Variants in DNAJC3 observed in about 807,000 individuals in gnomAD.
DNAJC3 encodes DnaJ heat shock protein family (Hsp40) member C3, also known as dnaJ homolog subfamily C member 3.
A neutral mutation model predicts 68.6 loss-of-function variants in DNAJC3; 38 were observed. That is an observed-to-expected ratio of 0.55 (90% CI 0.43 to 0.73). The LOEUF is 0.73. Among genes scored for constraint, DNAJC3 ranks in the 30% least tolerant of loss-of-function variants. The probability of loss-of-function intolerance (pLI) is 0.00; values close to 1 mark genes in which losing one functional copy is unlikely to be tolerated. For synonymous variants in DNAJC3, 203 were observed against 204.0 expected (o/e 1.00, Z 0.04); for missense variants, 526 against 591.9 (o/e 0.89, Z 1.16).
In DNAJC3 at chr13:95,790,958, C is replaced by A; in HGVS notation, c.1443C>A (p.Ser481Arg). ...QGGGGNPFHR[S>R]WNSWQGFNPF... ...GCGGCGGCAACCCTTTCCACAGAAG[C>A]TGGAACTCATGGCAAGGGTTCAATC... The change falls in exon 12 of 12, where the codon AGC (serine) becomes AGA (arginine). Residue 481 changes from serine to arginine, a missense_variant. By Grantham distance (110) the Ser-to-Arg change is moderately radical (BLOSUM62 -1). Transcript: ENST00000602402. 1 of 1,612,512 alleles carries A rather than the reference C, an allele frequency of 6.2e-7. No homozygotes were observed. The highest frequency in any genetic ancestry group is 8.5e-7 in the Non-Finnish European group (1 of 1,179,658).
chr13:95,698,943 T>C (rs1012449606), intron 1 of DNAJC3, among the ~76,000 whole-genome samples: 5 of 152,206 alleles, frequency 3.3e-5, no homozygotes, highest in African/African-American at 7.2e-5. Context: ...TTAGTTTTAA[T>C]CTAGCCAATG....
intron 4 of DNAJC3, among the ~76,000 whole-genome samples, chr13:95,750,505 A>G (rs1029325285): frequency 4.0e-5 from 6 of 150,898 alleles, no homozygotes; most frequent in African/African-American, 1.2e-4. Flanking sequence ...AAGTTATATA[A>G]TTATTCAATT....
chr13:95,709,722 C>T (rs1333223686), intron 2 of DNAJC3, among the ~76,000 whole-genome samples: 1 of 148,854 alleles, frequency 6.7e-6, no homozygotes, highest in Non-Finnish European at 1.5e-5. Flanking sequence ...TCACTGAAAG[C>T]TCTGCCTCCC....
intron 9 of DNAJC3, among the ~76,000 whole-genome samples, chr13:95,764,360 T>G (rs1882910302): frequency 7.2e-6 from 1 of 139,650 alleles, no homozygotes; most frequent in African/African-American, 3.0e-5. Context: ...TCTCTCTCTC[T>G]CTCTCTCTCT....
At chr13:95,781,708 C>T (rs1003693046) in intron 9 of DNAJC3, among the ~76,000 whole-genome samples, 16 of 151,576 alleles carry the variant, frequency 1.1e-4, no homozygotes, top group Admixed American at 2.0e-4. Flanking sequence ...TTGGCTAATA[C>T]GCAACATGGT....
At chr13:95,713,797 T>A (rs185035044) in intron 2 of DNAJC3, among the ~76,000 whole-genome samples, 2 of 152,348 alleles carry the variant, frequency 1.3e-5, no homozygotes, top group African/African-American at 4.8e-5. Context: ...CAACCCCTTC[T>A]TCCTTCTTAT....
chr13:95,735,419 T>G (rs1428934797), intron 4 of DNAJC3, among the ~76,000 whole-genome samples: 5 of 119,584 alleles, frequency 4.2e-5, no homozygotes, highest in African/African-American at 1.8e-4. Context: ...ATGGTTGAAC[T>G]AGTTTACAGT....
intron 1 of DNAJC3, among the ~76,000 whole-genome samples, chr13:95,689,247 A>T (rs1880161353): frequency 6.7e-6 from 1 of 149,820 alleles, no homozygotes; most frequent in Non-Finnish European, 1.5e-5. Flanking sequence ...TTTTCCTGGA[A>T]GATTTTGTCA....
At chr13:95,756,100 A>G (rs900763725) in intron 4 of DNAJC3, among the ~76,000 whole-genome samples, 6 of 152,234 alleles carry the variant, frequency 3.9e-5, no homozygotes, top group Non-Finnish European at 7.3e-5. Context: ...AAAAAGGTGC[A>G]AATACGATCC....
chr13:95,716,901 C>T (rs1881168859), intron 2 of DNAJC3, among the ~76,000 whole-genome samples: 1 of 152,166 alleles, frequency 6.6e-6, no homozygotes, highest in Non-Finnish European at 1.5e-5. Flanking sequence ...ACAGGAGTGC[C>T]TGTTCTCACT....
chr13:95,734,706 T>G (rs1881833236), intron 4 of DNAJC3, among the ~76,000 whole-genome samples: 1 of 152,126 alleles, frequency 6.6e-6, no homozygotes, highest in African/African-American at 2.4e-5. Context: ...AGCTTGTTTA[T>G]TCTTTTTCAT....
intron 1 of DNAJC3, among the ~76,000 whole-genome samples, chr13:95,685,130 G>A (rs1880036804): frequency 6.6e-6 from 1 of 152,246 alleles, no homozygotes; most frequent in South Asian, 2.1e-4. Flanking sequence ...CATGCACCTG[G>A]AAAAGCTGCA....
chr13:95,692,718 C>G (rs1051184252), intron 1 of DNAJC3: 3 of 152,010 alleles, frequency 2.0e-5, no homozygotes, highest in Admixed American at 6.6e-5. Context: ...AAAATGATAT[C>G]AAAACAATGG....
At chr13:95,769,978 A>G (rs1000507856) in intron 9 of DNAJC3, among the ~76,000 whole-genome samples, 1 of 152,228 alleles carries the variant, frequency 6.6e-6, no homozygotes, top group Admixed American at 6.5e-5. Flanking sequence ...AGATTTCCAA[A>G]TTATGAAAAG....
intron 2 of DNAJC3, among the ~76,000 whole-genome samples, chr13:95,722,843 G>A (rs191732240): frequency 3.7e-5 from 2 of 53,680 alleles, no homozygotes; most frequent in Admixed American, 2.6e-4. Context: ...CCCCCCCGCC[G>A]AAAAAGGTTA....
chr13:95,690,620 C>A (rs1880207587), intron 1 of DNAJC3, among the ~76,000 whole-genome samples: 1 of 147,488 alleles, frequency 6.8e-6, no homozygotes, highest in African/African-American at 2.5e-5. Context: ...GGGGGCTGAC[C>A]CCCCCACCTC....
At position 95,723,382 on chromosome 13, in the gene DNAJC3, CTTTCT is replaced by C; in HGVS notation, c.318+19_318+23del. 6.2e-7 allele frequency: 1 copy of C among 1,601,742 alleles called. No homozygotes were observed. The highest frequency in any genetic ancestry group is 1.1e-5 in the South Asian group (1 of 89,430). On this transcript the variant is annotated intron_variant, in intron 3 of 11. Coordinates refer to ENST00000602402, the MANE Select transcript of DNAJC3 (RefSeq NM_006260.5). Reference sequence around the variant, plus strand: ...CTTCACTGCAGTAAGTATATCTCAACTTTCTTTAAAGGGGAACTTAACAGAACTTG... The same window carrying C: ...CTTCACTGCAGTAAGTATATCTCAACTTAAAGGGGAACTTAACAGAACTTG...
chr13:95,704,395 A>G (rs984780618), intron 1 of DNAJC3, among the ~76,000 whole-genome samples: 1 of 152,374 alleles, frequency 6.6e-6, no homozygotes, highest in African/African-American at 2.4e-5. Flanking sequence ...CTTGTAAAAC[A>G]GAGCCCCATC....
At chr13:95,783,269 A>T (rs1346817784) in intron 9 of DNAJC3, among the ~76,000 whole-genome samples, 1 of 152,248 alleles carries the variant, frequency 6.6e-6, no homozygotes, top group East Asian at 1.9e-4. Flanking sequence ...GAAACAACCT[A>T]TAATTTTACA....
Sources: allele counts gnomAD v4.1 joint callset (sites outside exome capture counted in the v4.1 genomes callset), GRCh38; gene constraint gnomAD v4.1.1; transcripts MANE v1.5; gene names NCBI Gene and HGNC (gene_info 2026-07-23, HGNC 2026-07-21).